The following LTA4H variants were observed in gnomAD, a reference collection of about 807,000 sequenced individuals.
The protein encoded by LTA4H is leukotriene A4 hydrolase.
A neutral mutation model predicts 89.8 loss-of-function variants in LTA4H; 59 were observed. The ratio of observed to expected loss-of-function variants is 0.66; its 90% CI spans 0.53 to 0.82. LTA4H has a LOEUF of 0.82. Ranked by LOEUF, LTA4H falls within the 40% of genes least tolerant of loss-of-function variation. LTA4H has a pLI of 0.00. For missense variants in LTA4H, 617 were observed against 727.0 expected (o/e 0.85, Z 1.74); for synonymous variants, 227 against 253.1 (o/e 0.90, Z 0.98).
At chr12:96,020,939 C>T in intron 6 of LTA4H, 146 bp downstream of exon 6, 1 of 634,602 alleles carries the variant, frequency 1.6e-6, no homozygotes, top group Admixed American at 3.5e-5. Context: ...AATTTGTTGC[C>T]TACATTTTAG....
At chr12:96,006,731 G>A (rs997192849) in intron 15 of LTA4H, among the ~76,000 whole-genome samples, 4 of 152,262 alleles carry the variant, frequency 2.6e-5, no homozygotes, top group Admixed American at 2.0e-4. Context: ...ATGTATGCAT[G>A]TCAACTAATC....
At chr12:96,016,298 CAA>C (rs762615863) in intron 10 of LTA4H, among the ~76,000 whole-genome samples, 67 of 55,602 alleles carry the variant, frequency 1.2e-3, no homozygotes, top group African/African-American at 3.7e-3. Flanking sequence ...GACTCCATCT[CAA>C]AAAAAAAAAA....
intron 17 of LTA4H, 76 bp from the exon 18 acceptor site, chr12:96,003,140 T>G: frequency 2.2e-6 from 2 of 901,448 alleles, no homozygotes; most frequent in Non-Finnish European, 3.6e-6. Context: ...ATCTTAATAT[T>G]ACTTCTGTAG....
At chr12:96,013,632 G>A in intron 13 of LTA4H, 118 bp downstream of exon 13, 1 of 628,888 alleles carries the variant, frequency 1.6e-6, no homozygotes. Context: ...TATGCAATGA[G>A]AGGTTGAGTC....
At chr12:96,020,893 A>G in intron 6 of LTA4H, 192 bp downstream of exon 6, 2 of 522,894 alleles carry the variant, frequency 3.8e-6, no homozygotes, top group South Asian at 5.0e-5. Flanking sequence ...TTGAAAAAAT[A>G]AGGGGTAACT....
At chr12:96,030,319 C>T (rs1207499468) in intron 1 of LTA4H, among the ~76,000 whole-genome samples, 1 of 152,166 alleles carries the variant, frequency 6.6e-6, no homozygotes, top group African/African-American at 2.4e-5. Flanking sequence ...CACTCCCTAG[C>T]TCTTACTCAT....
rs903452797 is a variant in LTA4H at position 96,035,581 on chromosome 12, G to A, written c.-62C>T. On this transcript the variant is annotated 5_prime_UTR_variant, in exon 1 of 19. Coordinates refer to ENST00000228740, the MANE Select transcript of LTA4H (RefSeq NM_000895.3). ...CCAACGCTCAGCTACCAGACTCGTC[G>A]ATAGAGAACCTGAGGAGGAGGGAGA... The A allele has an allele frequency of 6.6e-6, 10 of 1,524,664 alleles. No individual in the cohort carries two copies. The South Asian group carries it at 7.3e-5, about 11-fold the overall frequency. The allele number at this position is 1,524,664 out of a possible 1,614,324, so 94.4% of individuals were successfully genotyped here.
chr12:96,003,585 T>G, intron 17 of LTA4H: 1 of 275,388 alleles, frequency 3.6e-6, no homozygotes. Context: ...ACGGAATCCT[T>G]CATTCTAATT....
intron 2 of LTA4H, among the ~76,000 whole-genome samples, chr12:96,028,390 A>G (rs1950535412): frequency 6.6e-6 from 1 of 152,170 alleles, no homozygotes; most frequent in Non-Finnish European, 1.5e-5. Flanking sequence ...GGGAAAGAGA[A>G]GGCATGAAAA....
At chr12:96,026,291 A>T (rs1337918085) in intron 3 of LTA4H, among the ~76,000 whole-genome samples, 1 of 152,250 alleles carries the variant, frequency 6.6e-6, no homozygotes, top group East Asian at 1.9e-4. Flanking sequence ...ACCGTAAGCA[A>T]ATTCATCAAA....
intron 6 of LTA4H, among the ~76,000 whole-genome samples, chr12:96,019,583 C>CTTT (rs1194400496): frequency 7.8e-5 from 11 of 140,356 alleles, no homozygotes; most frequent in African/African-American, 2.8e-4. Flanking sequence ...TCATAAGAAA[C>CTTT]TATTTTTTTT....
chr12:96,003,415 A>G (rs1035558793), intron 17 of LTA4H, among the ~76,000 whole-genome samples: 1 of 152,240 alleles, frequency 6.6e-6, no homozygotes, highest in Admixed American at 6.5e-5. Context: ...GTAGGTGCTC[A>G]CATACCTTAT....
chr12:96,013,114 A>G, intron 14 of LTA4H, 74 bp downstream of exon 14: 1 of 1,164,748 alleles, frequency 8.6e-7, no homozygotes, highest in Non-Finnish European at 1.3e-6. Context: ...AAGGCATACT[A>G]TTCTTTCAGA....
At chr12:96,033,712 C>T (rs1950602041) in intron 1 of LTA4H, among the ~76,000 whole-genome samples, 1 of 152,156 alleles carries the variant, frequency 6.6e-6, no homozygotes, top group African/African-American at 2.4e-5. Context: ...TCCCCTAGGC[C>T]CCTACCCCCA....
At chr12:96,024,356 G>T in intron 4 of LTA4H, 123 bp downstream of exon 4, 2 of 567,102 alleles carry the variant, frequency 3.5e-6, no homozygotes, top group East Asian at 3.0e-5. Context: ...ACATATTTCA[G>T]GTAGAATTTC....
chr12:96,034,938 G>T (rs1950620111), intron 1 of LTA4H, among the ~76,000 whole-genome samples: 1 of 152,202 alleles, frequency 6.6e-6, no homozygotes, highest in African/African-American at 2.4e-5. Context: ...GGGGGTTCTG[G>T]GCCGCAGGCC....
intron 16 of LTA4H, among the ~76,000 whole-genome samples, chr12:96,005,623 C>T (rs1362334596): frequency 6.6e-6 from 1 of 152,162 alleles, no homozygotes; most frequent in Non-Finnish European, 1.5e-5. Flanking sequence ...TCCCTGCTAG[C>T]CCTGGGGGTG....
chr12:96,029,570 C>T (rs564793481), intron 1 of LTA4H, among the ~76,000 whole-genome samples: 54 of 152,226 alleles, frequency 3.5e-4, no homozygotes, highest in African/African-American at 1.3e-3. Context: ...ATATTTCCTC[C>T]TAGAACTCAT....
intron 6 of LTA4H, chr12:96,020,736 C>A: frequency 5.8e-6 from 1 of 173,706 alleles, no homozygotes; most frequent in Non-Finnish European, 1.2e-5. Context: ...TATATTTTAT[C>A]TCATTTGTTT....
Sources: allele counts gnomAD v4.1 joint callset (sites outside exome capture counted in the v4.1 genomes callset), GRCh38; gene constraint gnomAD v4.1.1; transcripts MANE v1.5; gene names NCBI Gene and HGNC (gene_info 2026-07-23, HGNC 2026-07-21).